The following DNAH9 variants were observed in gnomAD, a reference collection of about 807,000 sequenced individuals.
DNAH9 encodes the protein DNAH9 variant protein.
A neutral mutation model predicts 471.6 loss-of-function variants in DNAH9; 345 were observed. The ratio of observed to expected loss-of-function variants is 0.73; its 90% CI spans 0.67 to 0.80. DNAH9 has a LOEUF of 0.80. DNAH9 is among the 30% of genes least tolerant of loss of function. The pLI is 0.00. For synonymous variants in DNAH9, 2,093 were observed against 2,123.6 expected, an observed-to-expected ratio of 0.99 and a Z score of 0.40; for missense variants, 5,407 against 5,609.2, an observed-to-expected ratio of 0.96 and a Z score of 1.15.
At chr17:11,865,161 C>T (rs370692291) in intron 50 of DNAH9, among the ~76,000 whole-genome samples, 4 of 152,118 alleles carry the variant, frequency 2.6e-5, no homozygotes, top group African/African-American at 4.8e-5. Flanking sequence ...CAGCTGGTAC[C>T]GGTTGTTCCT....
At chr17:11,646,956 C>A in intron 11 of DNAH9, 116 bp from the exon 12 acceptor site, 1 of 1,025,066 alleles carries the variant, frequency 9.8e-7, no homozygotes, top group African/African-American at 1.6e-5. Context: ...AGAAGCTGAC[C>A]CAGCCTGGTT....
intron 56 of DNAH9, chr17:11,884,395 C>G: frequency 3.0e-6 from 1 of 336,168 alleles, no homozygotes; most frequent in South Asian, 2.4e-5. Context: ...TACCACCAAA[C>G]CTCCAACAAG....
chr17:11,640,043 A>C (rs2073240614), intron 9 of DNAH9, among the ~76,000 whole-genome samples: 1 of 152,172 alleles, frequency 6.6e-6, no homozygotes. Context: ...ATGAAATCAG[A>C]ATAGCTTGGG....
At chr17:11,887,526 T>C (rs942621951) in intron 57 of DNAH9, among the ~76,000 whole-genome samples, 2 of 152,198 alleles carry the variant, frequency 1.3e-5, no homozygotes, top group East Asian at 3.8e-4. Context: ...TAAAGACCTA[T>C]AAATTTTTAG....
chr17:11,819,714 A>G (rs1313879411), intron 45 of DNAH9, among the ~76,000 whole-genome samples: 1 of 152,248 alleles, frequency 6.6e-6, no homozygotes, highest in Non-Finnish European at 1.5e-5. Flanking sequence ...AAAAATGGCA[A>G]TGTTGAGAAA....
chr17:11,745,128 A>T, intron 31 of DNAH9, 44 bp downstream of exon 31: 1 of 1,485,284 alleles, frequency 6.7e-7, no homozygotes, highest in East Asian at 2.3e-5. Flanking sequence ...TCTCTTACTT[A>T]TTGTCCAGGA....
intron 47 of DNAH9, 28 bp from the exon 48 acceptor site, chr17:11,822,773 C>T (rs745471683): frequency 3.1e-6 from 5 of 1,611,772 alleles, no homozygotes; most frequent in Non-Finnish European, 4.2e-6. Flanking sequence ...ACAAGATAAT[C>T]TTTTCATTTC....
chr17:11,832,925 G>T (rs1424826340), intron 48 of DNAH9, among the ~76,000 whole-genome samples: 1 of 152,146 alleles, frequency 6.6e-6, no homozygotes, highest in Non-Finnish European at 1.5e-5. Flanking sequence ...CATCTGAAAA[G>T]GCCATTACAC....
chr17:11,665,417 G>T (rs1252931964), intron 15 of DNAH9, among the ~76,000 whole-genome samples: 5 of 152,224 alleles, frequency 3.3e-5, no homozygotes, highest in Non-Finnish European at 5.9e-5. Context: ...TGTCCGCCAG[G>T]TTAAATGGAA....
intron 38 of DNAH9, among the ~76,000 whole-genome samples, chr17:11,771,687 A>G (rs903435700): frequency 2.0e-5 from 3 of 152,124 alleles, no homozygotes; most frequent in African/African-American, 7.2e-5. Context: ...TTGTTCAAAT[A>G]TGTACCCTTA....
At chr17:11,935,399 G>A (rs574406310) in intron 65 of DNAH9, among the ~76,000 whole-genome samples, 2 of 147,682 alleles carry the variant, frequency 1.4e-5, no homozygotes, top group East Asian at 2.0e-4. Flanking sequence ...TTTATAAGAC[G>A]GAGTCTCACT....
At chr17:11,604,345 A>G (rs1185482494) in intron 1 of DNAH9, among the ~76,000 whole-genome samples, 2 of 151,872 alleles carry the variant, frequency 1.3e-5, no homozygotes, top group African/African-American at 2.4e-5. Flanking sequence ...TTAACACCAG[A>G]TGGTCCTACG....
intron 31 of DNAH9, among the ~76,000 whole-genome samples, chr17:11,747,318 C>CTGG (rs1966920230): frequency 6.6e-6 from 1 of 152,242 alleles, no homozygotes; most frequent in African/African-American, 2.4e-5. Flanking sequence ...TCCCCCTCGC[C>CTGG]TGGCACACTC....
In DNAH9 at chr17:11,689,713, G is replaced by A. The variant is rs539263382; in HGVS notation, c.3891G>A (p.Lys1297=). Residue 1297 remains lysine, a synonymous_variant, in exon 20 of 69, where the codon AAG becomes AAA. Coordinates refer to ENST00000262442, the MANE Select transcript of DNAH9 (RefSeq NM_001372.4). The part of the protein sequence containing the change: ...PDYKQLRQCR[K]EVCQLKELWD... ...ATAAGCAGCTGAGGCAGTGCAGGAA[G>A]GAGGTCTGCCAGCTGAAGGAGCTCT... The A allele has an allele frequency of 6.2e-7, 1 of 1,614,220 alleles. No individual in the cohort carries two copies. Among genetic ancestry groups the A allele is most frequent in the Non-Finnish European group, 8.5e-7 (1 of 1,180,036 alleles).
At chr17:11,639,050 T>C (rs1199391422) in intron 9 of DNAH9, among the ~76,000 whole-genome samples, 1 of 152,236 alleles carries the variant, frequency 6.6e-6, no homozygotes, top group Admixed American at 6.5e-5. Context: ...ATTCTGCTTT[T>C]AAGGCCTCAC....
At chr17:11,865,474 T>C (rs1251923980) in intron 50 of DNAH9, among the ~76,000 whole-genome samples, 1 of 152,166 alleles carries the variant, frequency 6.6e-6, no homozygotes, top group Admixed American at 6.5e-5. Context: ...ATTTCAACTT[T>C]CGTGAATCTG....
In DNAH9 at chr17:11,892,283, G is replaced by A. The variant is rs1198296054; in HGVS notation, c.11283+336G>A. Reference sequence around the variant, plus strand: ...CTAGATGAAACCATACCAATAACCAGACGCTTTTTGAAATGCTGTAAGAAA... The same window carrying A: ...CTAGATGAAACCATACCAATAACCAAACGCTTTTTGAAATGCTGTAAGAAA... On this transcript the variant is annotated intron_variant, in intron 58 of 68. Transcript: ENST00000262442. The surrounding 1 kb of genome is among the most constrained non-coding windows in gnomAD (Gnocchi z 4.3). 6.6e-6 allele frequency among the ~76,000 whole-genome samples: 1 copy of A among 152,130 alleles called. No individual in the cohort carries two copies. Among genetic ancestry groups the A allele is most frequent in the South Asian group, 2.1e-4 (1 of 4,820 alleles).
At chr17:11,610,371 ATTG>A (rs1166159616) in intron 2 of DNAH9, 22 bp from the exon 3 acceptor site, 2 of 1,600,584 alleles carry the variant, frequency 1.2e-6, no homozygotes, top group Admixed American at 1.7e-5. Context: ...TGTTGTTATC[ATTG>A]TTGTTGTTTT....
intron 51 of DNAH9, 120 bp from the exon 52 acceptor site, chr17:11,871,478 A>C: frequency 2.3e-6 from 2 of 853,758 alleles, no homozygotes; most frequent in South Asian, 1.6e-5. Flanking sequence ...GGGCCATATA[A>C]GTGATATTCT....
Sources: gnomAD v4.1 joint callset for allele counts (sites outside exome capture counted in the v4.1 genomes callset) on GRCh38, gnomAD v4.1.1 for gene constraint, Gnocchi (gnomAD v3.1) non-coding constraint, MANE v1.5 for transcripts, NCBI Gene and HGNC (gene_info 2026-07-23, HGNC 2026-07-21) for gene names.